Variants in LPP observed in about 807,000 individuals in gnomAD.
LPP encodes the protein LIM domain containing preferred translocation partner in lipoma, also known as lipoma-preferred partner.
Under a neutral mutation model 60.4 loss-of-function variants are expected in LPP, and 38 were observed. That is an observed-to-expected ratio of 0.63 (90% CI 0.49 to 0.83). The LOEUF (loss-of-function observed/expected upper bound fraction) is 0.83, where lower values mean the gene tolerates loss of function less well. Among genes scored for constraint, LPP ranks in the 40% least tolerant of loss-of-function variants. LPP has a pLI of 0.00. For synonymous variants in LPP, 328 were observed against 290.8 expected (o/e 1.13, Z -1.30); for missense variants, 902 against 783.6 (o/e 1.15, Z -1.80).
chr3:188,548,225 T>C (rs1311249268), intron 6 of LPP, among the ~76,000 whole-genome samples: 1 of 152,164 alleles, frequency 6.6e-6, no homozygotes, highest in Non-Finnish European at 1.5e-5. Flanking sequence ...AACTCACTTT[T>C]TGATTTTTAG....
Position 188,185,271 on chromosome 3 carries a change from G to A in LPP, c.-190+31019G>A, listed in dbSNP as rs368910695. 1.8e-4 allele frequency among the ~76,000 whole-genome samples: 27 copies of A among 151,974 alleles called. No individual in the cohort carries two copies. In the East Asian group the frequency reaches 2.5e-3, roughly 14 times the overall value. ...TCATCTGTGAAATCGGGGAGCGGGC[G>A]GGGTGGGGGGAATATTCTTACCCTG... On this transcript the variant is annotated intron_variant, in intron 1 of 11. Coordinates refer to ENST00000617246, the MANE Select transcript of LPP (RefSeq NM_001375462.1).
At chr3:188,650,484 T>G (rs1851871946) in intron 7 of LPP, among the ~76,000 whole-genome samples, 1 of 152,186 alleles carries the variant, frequency 6.6e-6, no homozygotes, top group Admixed American at 6.5e-5. Flanking sequence ...ATTAGACCTA[T>G]GCTTGTGCCC....
chr3:188,280,732 T>A (rs1741677190), intron 2 of LPP, among the ~76,000 whole-genome samples: 1 of 152,134 alleles, frequency 6.6e-6, no homozygotes, highest in Non-Finnish European at 1.5e-5. Context: ...CCGTTTTGTC[T>A]GGGTTAACCA....
intron 2 of LPP, among the ~76,000 whole-genome samples, chr3:188,334,967 C>G (rs1221687538): frequency 6.6e-6 from 1 of 152,070 alleles, no homozygotes; most frequent in Admixed American, 6.5e-5. Context: ...TAAAGAGATT[C>G]TTCTTGTTTC....
intron 6 of LPP, among the ~76,000 whole-genome samples, chr3:188,579,048 T>A (rs899088007): frequency 1.3e-5 from 2 of 151,942 alleles, no homozygotes; most frequent in African/African-American, 4.8e-5. Flanking sequence ...AAGGGGGTAG[T>A]GGGAGACTAA....
chr3:188,686,864 C>CA (rs1210037512), intron 7 of LPP, among the ~76,000 whole-genome samples: 3 of 152,062 alleles, frequency 2.0e-5, no homozygotes, highest in South Asian at 2.1e-4. Context: ...AAAAGCAGCA[C>CA]AAAAAACAAG....
chr3:188,351,768 T>C (rs1765909606), intron 3 of LPP, among the ~76,000 whole-genome samples: 1 of 151,770 alleles, frequency 6.6e-6, no homozygotes, highest in East Asian at 1.9e-4. Flanking sequence ...CTCTGCAGAG[T>C]AGCATGCATG....
At chr3:188,430,449 C>T (rs953664697) in intron 4 of LPP, among the ~76,000 whole-genome samples, 1 of 152,132 alleles carries the variant, frequency 6.6e-6, no homozygotes, top group Admixed American at 6.5e-5. Context: ...CAGTTACACA[C>T]CACCACTATC....
At chr3:188,839,968 A>T (rs1412647678) in intron 9 of LPP, among the ~76,000 whole-genome samples, 1 of 152,238 alleles carries the variant, frequency 6.6e-6, no homozygotes, top group African/African-American at 2.4e-5. Context: ...CAAATAATAA[A>T]TTATAAATTG....
intron 8 of LPP, among the ~76,000 whole-genome samples, chr3:188,752,089 T>A (rs533547444): frequency 4.6e-5 from 7 of 152,290 alleles, no homozygotes; most frequent in African/African-American, 1.7e-4. Context: ...ATACTTCCTA[T>A]AGTTTAAAGG....
intron 2 of LPP, among the ~76,000 whole-genome samples, chr3:188,228,833 C>CA (rs1411351406): frequency 1.3e-5 from 2 of 152,204 alleles, no homozygotes; most frequent in Non-Finnish European, 2.9e-5. Flanking sequence ...GCCTACCTCT[C>CA]ATGTTTGCTT....
chr3:188,498,146 C>T (rs1371050051), intron 5 of LPP, among the ~76,000 whole-genome samples: 1 of 152,086 alleles, frequency 6.6e-6, no homozygotes. Flanking sequence ...CTTGAACCTC[C>T]TATGTTCTTT....
Position 188,746,239 on chromosome 3 carries a change from G to A in LPP, c.1241-13874G>A, listed in dbSNP as rs376190267. On this transcript the variant is annotated intron_variant, in intron 8 of 11. Transcript: ENST00000617246. ...GTTTCTTTAATCTTTCTGTACAGTC[G>A]GCTTCTCTAGTCCCTTAATCATTTG... 1.9e-4 allele frequency among the ~76,000 whole-genome samples: 29 copies of A among 152,008 alleles called. No individual in the cohort carries two copies. The East Asian group carries it at 2.1e-3, about 11-fold the overall frequency.
At chr3:188,324,043 T>G (rs1757686336) in intron 2 of LPP, among the ~76,000 whole-genome samples, 1 of 152,230 alleles carries the variant, frequency 6.6e-6, no homozygotes, top group Non-Finnish European at 1.5e-5. Context: ...TTGTTGTTGT[T>G]GTCGTTATTA....
intron 9 of LPP, among the ~76,000 whole-genome samples, chr3:188,787,293 A>C (rs150013134): frequency 4.3e-4 from 65 of 152,322 alleles, no homozygotes; most frequent in African/African-American, 1.5e-3. Context: ...AAGAAAATTT[A>C]AAGTTTAATT....
chr3:188,632,478 T>A lies in LPP; in HGVS notation c.1113+22634T>A, dbSNP rs146583772. Among the ~76,000 whole-genome samples, 33 of 152,304 alleles carry A rather than the reference T, an allele frequency of 2.2e-4. No individual in the cohort carries two copies. The East Asian group carries it at 5.8e-3, about 27-fold the overall frequency. On this transcript the variant is annotated intron_variant, in intron 7 of 11. Transcript: ENST00000617246. The stretch of plus-strand genomic sequence containing the variant: ...ACTTCTATCACATGTATTCTCTATC[T>A]GTAACAGTTAAAGTTTTTTGGTTAC...
In LPP at chr3:188,725,194, G is replaced by A. The variant is rs530961012; in HGVS notation, c.1240+16801G>A. 4.3e-4 allele frequency: 65 copies of A among 152,274 alleles called. 1 individual carries two copies. The highest frequency in any genetic ancestry group is 1.6e-3 in the African/African-American group (65 of 41,560). 9.4% of individuals were successfully genotyped at this position (152,274 alleles called of 1,614,324 possible). ...TTCGTTGTGCCTCTAGAGCAATCCGGAACAGTTTACCCTTGTGTCTGGTTA... is the reference window on the plus strand; with the variant it reads ...TTCGTTGTGCCTCTAGAGCAATCCGAAACAGTTTACCCTTGTGTCTGGTTA... On this transcript the variant is annotated intron_variant, in intron 8 of 11. Coordinates refer to ENST00000617246, the MANE Select transcript of LPP (RefSeq NM_001375462.1).
At chr3:188,213,646 T>C (rs1712192703) in intron 1 of LPP, among the ~76,000 whole-genome samples, 1 of 152,150 alleles carries the variant, frequency 6.6e-6, no homozygotes. Flanking sequence ...GGCTCTTTTC[T>C]TTTCTTTTTG....
intron 3 of LPP, among the ~76,000 whole-genome samples, chr3:188,356,938 G>A (rs564733843): frequency 6.6e-5 from 10 of 152,282 alleles, no homozygotes; most frequent in Non-Finnish European, 1.2e-4. Flanking sequence ...CGGCCAAAGC[G>A]TTTCAACCAT....
Sources: allele counts gnomAD v4.1 joint callset (sites outside exome capture counted in the v4.1 genomes callset), GRCh38; gene constraint gnomAD v4.1.1; transcripts MANE v1.5; gene names NCBI Gene and HGNC (gene_info 2026-07-23, HGNC 2026-07-21).